The following GREB1L variants were observed in gnomAD, a reference collection of about 807,000 sequenced individuals.
GREB1L encodes the protein GREB1 like retinoic acid receptor coactivator.
GREB1L carries 17 observed loss-of-function variants against 200.8 expected under a neutral mutation model. That is an observed-to-expected ratio of 0.08 (90% CI 0.06 to 0.13). GREB1L has a LOEUF of 0.13. Among genes scored for constraint, GREB1L ranks in the 10% least tolerant of loss-of-function variants. The pLI, the probability that GREB1L is intolerant of heterozygous loss-of-function variation, is 1.00. For missense variants in GREB1L, 1,657 were observed against 2,367.7 expected (o/e 0.70, Z 6.23); for synonymous variants, 789 against 893.0 (o/e 0.88, Z 2.08).
At chr18:21,477,992 A>G (rs943341649) in intron 17 of GREB1L, among the ~76,000 whole-genome samples, 3 of 152,206 alleles carry the variant, frequency 2.0e-5, no homozygotes, top group African/African-American at 7.2e-5. Flanking sequence ...GGCCATCATC[A>G]ATATCCTGGA....
Position 21,242,355 on chromosome 18 carries a change from A to C in GREB1L, c.-158A>C, listed in dbSNP as rs1433701826. 6.6e-6 allele frequency: 1 copy of C among 151,694 alleles called. No individual in the cohort carries two copies. The highest frequency in any genetic ancestry group is 1.5e-5 in the Non-Finnish European group (1 of 68,036). The allele number at this position is 151,694 out of a possible 1,614,324, so 9.4% of individuals were successfully genotyped here. On this transcript the variant is annotated 5_prime_UTR_variant, in exon 1 of 33. Transcript: ENST00000424526. ...GACCAGCCCGGCCGAGCCGAGGGCC[A>C]CCCCCTGGTCCTCTGCCCTCGCGCC...
At chr18:21,426,939 A>C (rs1276492998) in intron 7 of GREB1L, among the ~76,000 whole-genome samples, 1 of 147,958 alleles carries the variant, frequency 6.8e-6, no homozygotes, top group Admixed American at 6.8e-5. Flanking sequence ...AGCCTGGGCA[A>C]CAGAGCGAGA....
At chr18:21,283,573 T>C (rs2038306421) in intron 1 of GREB1L, among the ~76,000 whole-genome samples, 1 of 152,160 alleles carries the variant, frequency 6.6e-6, no homozygotes, top group Non-Finnish European at 1.5e-5. Context: ...TTAAAAAGCT[T>C]TCATTTAGCA....
chr18:21,349,933 G>A (rs1279569913), intron 1 of GREB1L, among the ~76,000 whole-genome samples: 1 of 152,158 alleles, frequency 6.6e-6, no homozygotes, highest in Non-Finnish European at 1.5e-5. Context: ...CACGAAACCA[G>A]TGCCTGGTGC....
chr18:21,477,552 C>T (rs1345335907), intron 17 of GREB1L, among the ~76,000 whole-genome samples, 196 bp downstream of exon 17: 3 of 152,088 alleles, frequency 2.0e-5, no homozygotes, highest in Non-Finnish European at 2.9e-5. Context: ...TTTGGGAGGC[C>T]GAGGCGGGTG....
chr18:21,388,018 T>C (rs1447482386), intron 4 of GREB1L, among the ~76,000 whole-genome samples: 1 of 152,216 alleles, frequency 6.6e-6, no homozygotes, highest in Non-Finnish European at 1.5e-5. Context: ...AGATACATAC[T>C]TTACAGAAAT....
intron 15 of GREB1L, among the ~76,000 whole-genome samples, chr18:21,455,730 G>A (rs1225542189): frequency 6.6e-6 from 1 of 151,076 alleles, no homozygotes; most frequent in East Asian, 1.9e-4. Context: ...TTTAAAAACA[G>A]GTAGGAAGCA....
intron 1 of GREB1L, among the ~76,000 whole-genome samples, chr18:21,334,859 T>G (rs2039161365): frequency 6.6e-6 from 1 of 152,188 alleles, no homozygotes; most frequent in Admixed American, 6.5e-5. Flanking sequence ...TAATTAAAAC[T>G]GGAGGTAATT....
chr18:21,363,265 G>GCCCC (rs1356372914), intron 1 of GREB1L, among the ~76,000 whole-genome samples: 2 of 32,604 alleles, frequency 6.1e-5, no homozygotes, highest in African/African-American at 1.5e-4. Flanking sequence ...GGCTCCCCCT[G>GCCCC]CCCCCACTCC....
chr18:21,331,447 G>A (rs1423730382), intron 1 of GREB1L, among the ~76,000 whole-genome samples: 1 of 152,100 alleles, frequency 6.6e-6, no homozygotes, highest in African/African-American at 2.4e-5. Context: ...TTTCTCATTG[G>A]GTAAAAAGAG....
chr18:21,312,537 TATTTA>T (rs1358833143), intron 1 of GREB1L, among the ~76,000 whole-genome samples: 6 of 144,292 alleles, frequency 4.2e-5, no homozygotes, highest in Non-Finnish European at 8.9e-5. Context: ...TTCTTTATTT[TATTTA>T]TTTATTTATT....
chr18:21,521,432 C>A (rs1335792398), intron 32 of GREB1L, among the ~76,000 whole-genome samples: 1 of 151,634 alleles, frequency 6.6e-6, no homozygotes, highest in Non-Finnish European at 1.5e-5. Flanking sequence ...CACAGATAAT[C>A]CTTATAAAAT....
chr18:21,504,580 G>A (rs549764244), intron 23 of GREB1L, among the ~76,000 whole-genome samples: 4 of 152,204 alleles, frequency 2.6e-5, no homozygotes, highest in East Asian at 1.9e-4. Flanking sequence ...TTACACCTGC[G>A]GTTCCAGCAC....
chr18:21,452,870 G>A (rs1460116966), intron 14 of GREB1L, among the ~76,000 whole-genome samples: 13 of 152,198 alleles, frequency 8.5e-5, no homozygotes, highest in Admixed American at 8.5e-4. Context: ...CATATAAGCT[G>A]CTGCTGACAG....
intron 15 of GREB1L, among the ~76,000 whole-genome samples, chr18:21,464,880 T>G (rs927388167): frequency 6.6e-6 from 1 of 152,086 alleles, no homozygotes; most frequent in Non-Finnish European, 1.5e-5. Flanking sequence ...CATGAAAGAT[T>G]AAAAAGAAAA....
chr18:21,479,289 G>A (rs1474243117), intron 17 of GREB1L, among the ~76,000 whole-genome samples: 6 of 152,136 alleles, frequency 3.9e-5, no homozygotes, highest in Non-Finnish European at 8.8e-5. Context: ...TTCCGAAAGG[G>A]ATCACACCCC....
rs575783488 is a variant in GREB1L, at chr18:21,348,667, C to T, written c.-119-17360C>T. 2.8e-4 allele frequency among the ~76,000 whole-genome samples: 43 copies of T among 151,830 alleles called. No homozygotes were observed. In the East Asian group the frequency reaches 4.7e-3, roughly 16 times the overall value. ...GCAGGTGACTGTAATCCCAGCTACC[C>T]GGGAGGCTGAGGCAGGAGAATCGCT... is the stretch of plus-strand genomic sequence containing the variant. On this transcript the variant is annotated intron_variant, in intron 1 of 32. Coordinates refer to ENST00000424526, the MANE Select transcript of GREB1L (RefSeq NM_001142966.3).
chr18:21,254,229 C>T lies in GREB1L; in HGVS notation c.-120+11836C>T, dbSNP rs1202864567. ...GGATTACAGGCACACTTCATCACACCCAGCTAATTTTTGTATTTTTAGTAC... is the reference window on the plus strand; with the variant it reads ...GGATTACAGGCACACTTCATCACACTCAGCTAATTTTTGTATTTTTAGTAC... On this transcript the variant is annotated intron_variant, in intron 1 of 32. Transcript: ENST00000424526. Among the ~76,000 whole-genome samples the T allele has an allele frequency of 2.0e-5, 3 of 151,788 alleles. No individual in the cohort carries two copies. The East Asian group carries it at 5.8e-4, about 29-fold the overall frequency.
intron 18 of GREB1L, among the ~76,000 whole-genome samples, chr18:21,486,371 G>T (rs186199163): frequency 6.8e-6 from 1 of 146,714 alleles, no homozygotes; most frequent in African/African-American, 2.5e-5. Context: ...AAAAAAAAAA[G>T]TCCCACTTCT....
Sources: gnomAD v4.1 joint callset for allele counts (sites outside exome capture counted in the v4.1 genomes callset) on GRCh38, gnomAD v4.1.1 for gene constraint, MANE v1.5 for transcripts, NCBI Gene and HGNC (gene_info 2026-07-23, HGNC 2026-07-21) for gene names.